CHCHD5: variants seen among roughly 807,000 people sequenced by gnomAD.
CHCHD5 encodes the protein coiled-coil-helix-coiled-coil-helix domain-containing protein 5.
In CHCHD5, 10 loss-of-function variants were observed where a neutral mutation model predicts 16.0. The ratio of observed to expected loss-of-function variants is 0.63; its 90% CI spans 0.39 to 1.06. The LOEUF (loss-of-function observed/expected upper bound fraction) is 1.06, where lower values mean the gene tolerates loss of function less well. Ranked by LOEUF, CHCHD5 falls within the 50% of genes least tolerant of loss-of-function variation. The probability of loss-of-function intolerance (pLI) is 0.01; values close to 1 mark genes in which losing one functional copy is unlikely to be tolerated. For synonymous variants in CHCHD5, 55 were observed against 56.3 expected, an observed-to-expected ratio of 0.98 and a Z score of 0.10; for missense variants, 163 against 153.4, an observed-to-expected ratio of 1.06 and a Z score of -0.33.
At chr2:112,586,526 C>T in intron 3 of CHCHD5, 161 bp downstream of exon 3, 1 of 1,546,042 alleles carries the variant, frequency 6.5e-7, no homozygotes, top group South Asian at 1.2e-5. Context: ...ACTTCTTGCC[C>T]CATATAGCCC....
At chr2:112,585,670 AG>A (rs200213933) in intron 1 of CHCHD5, among the ~76,000 whole-genome samples, 2 of 152,158 alleles carry the variant, frequency 1.3e-5, no homozygotes, top group East Asian at 3.9e-4. Context: ...AGGTCTAAGC[AG>A]GGGGATCGCT....
intron 3 of CHCHD5, chr2:112,586,988 A>G (rs560856869): frequency 9.5e-4 from 156 of 164,394 alleles, no homozygotes; most frequent in African/African-American, 3.5e-3. Context: ...GCAGTAACGG[A>G]AAAAGGTTGA....
In CHCHD5 at chr2:112,584,658, T is replaced by C. The variant is rs1462710462; in HGVS notation, c.2+9T>C. On this transcript the variant is annotated intron_variant, in intron 1 of 3. Coordinates refer to ENST00000324913, the MANE Select transcript of CHCHD5 (RefSeq NM_032309.4). Reference sequence around the variant, plus strand: ...GGCAAAGGTCTCGAGATGTGAGTAGTGAGAGCGCCTACCCCATACGTGCTG... The same window carrying C: ...GGCAAAGGTCTCGAGATGTGAGTAGCGAGAGCGCCTACCCCATACGTGCTG... The C allele has an allele frequency of 6.2e-7, 1 of 1,613,920 alleles. No individual in the cohort carries two copies. The highest frequency in any genetic ancestry group is 8.5e-7 in the Non-Finnish European group (1 of 1,179,916).
rs542514193 is a variant in CHCHD5, at chr2:112,586,273, G to C, written c.217G>C (p.Glu73Gln). The change falls in exon 3 of 4, where the codon GAG becomes CAG. Residue 73 changes from glutamate to glutamine, a missense_variant. Coordinates refer to ENST00000324913, the MANE Select transcript of CHCHD5 (RefSeq NM_032309.4). ...CTTCGAGGAGTGTCTTCGACAGAAC[G>C]AGGCAGCTGTGGGCAACTGTGCAGA... ...EAFEECLRQNEAAVGNCAEHM... is the reference protein window; with the variant it reads ...EAFEECLRQNQAAVGNCAEHM... The C allele has an allele frequency of 6.2e-7, 1 of 1,614,210 alleles. No homozygotes were observed. Among genetic ancestry groups the C allele is most frequent in the East Asian group, 2.2e-5 (1 of 44,872 alleles).
rs753326723 is a variant in CHCHD5, at chr2:112,586,270, A to C, written c.214A>C (p.Asn72His). The C allele has an allele frequency of 6.2e-7, 1 of 1,614,202 alleles. No homozygotes were observed. The highest frequency in any genetic ancestry group is 1.1e-5 in the South Asian group (1 of 91,088). Residue 72 changes from asparagine (N) to histidine (H), a missense_variant, in exon 3 of 4, where the codon AAC becomes CAC. Physicochemically the swap from Asn to His is moderately conservative, Grantham distance 68. Coordinates refer to ENST00000324913, the MANE Select transcript of CHCHD5 (RefSeq NM_032309.4). ...FEAFEECLRQ[N>H]EAAVGNCAEH... ...GGCCTTCGAGGAGTGTCTTCGACAG[A>C]ACGAGGCAGCTGTGGGCAACTGTGC...
At chr2:112,586,526 C>A in intron 3 of CHCHD5, 161 bp downstream of exon 3, 1 of 1,546,042 alleles carries the variant, frequency 6.5e-7, no homozygotes, top group Non-Finnish European at 8.7e-7. Flanking sequence ...ACTTCTTGCC[C>A]CATATAGCCC....
chr2:112,588,499 CA>C, intron 3 of CHCHD5: 1 of 224,292 alleles, frequency 4.5e-6, no homozygotes, highest in Non-Finnish European at 8.7e-6. Flanking sequence ...GGCTGACAAT[CA>C]AAGTGGTACA....
In CHCHD5 at chr2:112,588,853, A is replaced by T. The variant is rs530873620; in HGVS notation, c.310-13A>T. On this transcript the variant is annotated splice_polypyrimidine_tract_variant and intron_variant, in intron 3 of 3. Coordinates refer to ENST00000324913, the MANE Select transcript of CHCHD5 (RefSeq NM_032309.4). Reference sequence around the variant, plus strand: ...AGGAGGTGCTACTAGATGTTGATGTACTTTCTCCACAGGCACAGCCACTTC... The same window carrying T: ...AGGAGGTGCTACTAGATGTTGATGTTCTTTCTCCACAGGCACAGCCACTTC... 6.2e-7 allele frequency: 1 copy of T among 1,609,374 alleles called. No individual in the cohort carries two copies. The highest frequency in any genetic ancestry group is 1.7e-5 in the Admixed American group (1 of 59,926).
At chr2:112,588,785 C>T (rs1452004408) in intron 3 of CHCHD5, 81 bp from the exon 4 acceptor site, 8 of 1,084,838 alleles carry the variant, frequency 7.4e-6, no homozygotes, top group Non-Finnish European at 1.1e-5. Flanking sequence ...TCTGCAGGGT[C>T]TCCCTCTGTG....
Position 112,588,937 on chromosome 2 carries a change from G to A in CHCHD5, c.*48G>A, listed in dbSNP as rs760343828. 32 of 1,432,654 alleles carry A rather than the reference G, an allele frequency of 2.2e-5. No homozygotes were observed. The highest frequency in any genetic ancestry group is 3.0e-5 in the Non-Finnish European group (30 of 1,016,924). The allele number at this position is 1,432,654 out of a possible 1,614,324, so 88.7% of individuals were successfully genotyped here. On this transcript the variant is annotated 3_prime_UTR_variant, in exon 4 of 4. Coordinates refer to ENST00000324913, the MANE Select transcript of CHCHD5 (RefSeq NM_032309.4). ...ACTGGACATGAATGACTGCCCCCAC[G>A]CCCCTCCCCTGCAGAGTGGCCAGAT...
chr2:112,585,897 A>C, intron 1 of CHCHD5, 77 bp from the exon 2 acceptor site: 1 of 1,511,880 alleles, frequency 6.6e-7, no homozygotes, highest in East Asian at 2.3e-5. Context: ...CCCTGTCTCT[A>C]AAAAATAAAA....
Position 112,586,397 on chromosome 2 carries a change from TC to T in CHCHD5, c.309+33del, listed in dbSNP as rs1315022691. 3 of 1,613,932 alleles carry T rather than the reference TC, an allele frequency of 1.9e-6. No individual in the cohort carries two copies. The African/African-American group carries it at 4.0e-5, about 22-fold the overall frequency. Reference sequence around the variant, plus strand: ...GGGGCTCACCTCAGTTCATCTCTTTTCTCCATAACATCCCCTTCATCCTTCT... The same window carrying T: ...GGGGCTCACCTCAGTTCATCTCTTTTTCCATAACATCCCCTTCATCCTTCT... On this transcript the variant is annotated intron_variant, in intron 3 of 3. Transcript: ENST00000324913.
chr2:112,586,367 T>C lies in CHCHD5; in HGVS notation c.309+2T>C, dbSNP rs1306260720. ...CCACGCTCACCTGCAACTGTGGAGG[T>C]AAGAGGGGCTCACCTCAGTTCATCT... On this transcript the variant is annotated splice_donor_variant, in intron 3 of 3. Transcript: ENST00000324913. LOFTEE classifies it high-confidence loss of function. 1.4e-5 allele frequency: 23 copies of C among 1,614,038 alleles called. No individual in the cohort carries two copies. Among genetic ancestry groups the C allele is most frequent in the Non-Finnish European group, 1.9e-5 (23 of 1,180,034 alleles).
Position 112,586,222 on chromosome 2 carries a change from C to T in CHCHD5, c.166C>T (p.Gln56Ter). Residue 56 changes from glutamine to a stop codon, truncating the protein, a stop_gained, in exon 3 of 4, where the codon CAG (glutamine) becomes TAG (stop). Coordinates refer to ENST00000324913, the MANE Select transcript of CHCHD5 (RefSeq NM_032309.4). LOFTEE classifies it high-confidence loss of function. ...SSHPIIRQIR[Q>*]ACAQPFEAFE... ...CAGCCCAATCATCCGCCAGATCCGC[C>T]AGGCCTGTGCTCAGCCTTTTGAGGC... is the stretch of plus-strand genomic sequence containing the variant. The T allele has an allele frequency of 6.2e-7, 1 of 1,611,260 alleles. No homozygotes were observed.
chr2:112,585,330 ATCTT>A (rs1685175044), intron 1 of CHCHD5, among the ~76,000 whole-genome samples: 2 of 152,240 alleles, frequency 1.3e-5, no homozygotes, highest in South Asian at 2.1e-4. Flanking sequence ...GGAATTCTAG[ATCTT>A]TCTTCTAAGG....
At chr2:112,586,447 G>A (rs749299054) in intron 3 of CHCHD5, 82 bp downstream of exon 3, 3 of 1,594,814 alleles carry the variant, frequency 1.9e-6, no homozygotes, top group East Asian at 2.3e-5. Flanking sequence ...AAAGACTTTG[G>A]AGTCATCCTC....
Position 112,586,268 on chromosome 2 carries a change from A to T in CHCHD5, c.212A>T (p.Gln71Leu). The T allele has an allele frequency of 6.2e-7, 1 of 1,614,208 alleles. No homozygotes were observed. The highest frequency in any genetic ancestry group is 8.5e-7 in the Non-Finnish European group (1 of 1,180,010). Reference sequence around the variant, plus strand: ...GAGGCCTTCGAGGAGTGTCTTCGACAGAACGAGGCAGCTGTGGGCAACTGT... The same window carrying T: ...GAGGCCTTCGAGGAGTGTCTTCGACTGAACGAGGCAGCTGTGGGCAACTGT... ...PFEAFEECLR[Q>L]NEAAVGNCAE... is the part of the protein sequence containing the mutation. Residue 71 changes from glutamine (Q) to leucine (L), a missense_variant, in exon 3 of 4, where the codon CAG becomes CTG. Gln to Leu is a moderately radical substitution (Grantham distance 113, BLOSUM62 -2). Coordinates refer to ENST00000324913, the MANE Select transcript of CHCHD5 (RefSeq NM_032309.4).
At chr2:112,585,905 A>G (rs542387804) in intron 1 of CHCHD5, 69 bp from the exon 2 acceptor site, 1 of 1,390,682 alleles carries the variant, frequency 7.2e-7, no homozygotes. Flanking sequence ...CTAAAAAATA[A>G]AAAAAAAAAA....
intron 3 of CHCHD5, chr2:112,586,674 C>T: frequency 1.5e-6 from 2 of 1,325,312 alleles, no homozygotes; most frequent in Non-Finnish European, 2.0e-6. Flanking sequence ...AATCTGGTCT[C>T]ATCACACCTA....
Sources: gnomAD v4.1 joint callset for allele counts (sites outside exome capture counted in the v4.1 genomes callset) on GRCh38, gnomAD v4.1.1 for gene constraint, MANE v1.5 for transcripts, NCBI Gene and HGNC (gene_info 2026-07-23, HGNC 2026-07-21) for gene names.